The following SANBR variants were observed in gnomAD, a reference collection of about 807,000 sequenced individuals.
SANBR encodes SANT and BTB domain regulator of class switch recombination.
SANBR carries 77 observed loss-of-function variants against 101.8 expected under a neutral mutation model. The observed-to-expected ratio is 0.76, with a 90% CI of 0.63 to 0.91. The LOEUF is 0.91. Among genes scored for constraint, SANBR ranks in the 40% least tolerant of loss-of-function variants. SANBR has a pLI of 0.00. For synonymous variants in SANBR, 279 were observed against 274.7 expected, an observed-to-expected ratio of 1.02 and a Z score of -0.15; for missense variants, 875 against 853.0, an observed-to-expected ratio of 1.03 and a Z score of -0.32.
At chr2:61,081,310 T>C in intron 6 of SANBR, 142 bp from the exon 7 acceptor site, 6 of 731,108 alleles carry the variant, frequency 8.2e-6, no homozygotes, top group Non-Finnish European at 1.2e-5. Context: ...CTTTATTTTA[T>C]GTATCTAACC....
At chr2:61,132,161 A>G (rs1358510157) in intron 20 of SANBR, among the ~76,000 whole-genome samples, 2 of 152,338 alleles carry the variant, frequency 1.3e-5, no homozygotes, top group African/African-American at 2.4e-5. Flanking sequence ...AAGCAAACAA[A>G]TAAATAAATT....
chr2:61,106,614 A>G lies in SANBR; in HGVS notation c.1563A>G (p.Leu521=), dbSNP rs1341192745. ...CDEKGIECDV[L]LEPNTPWGPK... The stretch of plus-strand genomic sequence containing the variant: ...AAAAGGGTATAGAATGTGATGTTTT[A>G]CTGGAGCCAAATACACCATGGGGTC... The change falls in exon 14 of 22, where the codon TTA becomes TTG. Residue 521 remains leucine (L), a synonymous_variant. Transcript: ENST00000402291. The G allele has an allele frequency of 1.9e-6, 3 of 1,601,572 alleles. No homozygotes were observed. The highest frequency in any genetic ancestry group is 4.5e-5 in the East Asian group (2 of 44,238).
At chr2:61,116,242 G>C (rs891092719) in intron 17 of SANBR, among the ~76,000 whole-genome samples, 172 bp downstream of exon 17, 1 of 152,156 alleles carries the variant, frequency 6.6e-6, no homozygotes, top group Admixed American at 6.5e-5. Context: ...AATGAGAAAA[G>C]GAAGGTGCAG....
chr2:61,097,970 A>T, intron 12 of SANBR, 118 bp downstream of exon 12: 1 of 698,618 alleles, frequency 1.4e-6, no homozygotes, highest in Non-Finnish European at 2.2e-6. Flanking sequence ...CCTCTTTATA[A>T]CACTCCCCCA....
chr2:61,073,993 T>C (rs989626814), intron 5 of SANBR, among the ~76,000 whole-genome samples: 1 of 151,966 alleles, frequency 6.6e-6, no homozygotes, highest in African/African-American at 2.4e-5. Flanking sequence ...TAGTTTTGTA[T>C]TGTTTTGCCT....
intron 8 of SANBR, among the ~76,000 whole-genome samples, chr2:61,087,896 AAGAT>A (rs1271745360): frequency 2.0e-5 from 3 of 151,892 alleles, no homozygotes; most frequent in Non-Finnish European, 4.4e-5. Flanking sequence ...AAATGACTGA[AAGAT>A]AGCTATTTAT....
intron 16 of SANBR, among the ~76,000 whole-genome samples, chr2:61,109,583 G>C (rs1177261): frequency 0.61 from 91,799 of 151,526 alleles, 28,633 homozygotes; most frequent in African/African-American, 0.76. Context: ...GAGACGTGTA[G>C]CTGAGATGAT....
At chr2:61,076,867 A>T in intron 5 of SANBR, 53 bp from the exon 6 acceptor site, 1 of 1,288,422 alleles carries the variant, frequency 7.8e-7, no homozygotes, top group Non-Finnish European at 1.1e-6. Context: ...AGTATTCTTG[A>T]CTCCTTTTCT....
intron 10 of SANBR, among the ~76,000 whole-genome samples, chr2:61,091,129 G>A (rs1482102692): frequency 6.6e-6 from 1 of 152,016 alleles, no homozygotes; most frequent in Non-Finnish European, 1.5e-5. Context: ...TTTGAGCTAA[G>A]CACAAAACCA....
intron 1 of SANBR, among the ~76,000 whole-genome samples, chr2:61,066,865 T>C (rs536884950): frequency 2.0e-5 from 3 of 152,330 alleles, no homozygotes; most frequent in African/African-American, 7.2e-5. Context: ...GGAGGGGAAG[T>C]ATGTTCTTAA....
chr2:61,089,199 C>T (rs1345320511), intron 10 of SANBR: 1 of 985,058 alleles, frequency 1.0e-6, no homozygotes, highest in African/African-American at 1.7e-5. Context: ...ATTTGTTCTT[C>T]ATACTTTGTC....
rs751972633 is a variant in SANBR, at chr2:61,108,951, T to G, written c.1645-246T>G. Among the ~76,000 whole-genome samples the G allele has an allele frequency of 2.6e-5, 4 of 152,180 alleles. No homozygotes were observed. In the South Asian group the frequency reaches 8.3e-4, roughly 32 times the overall value. On this transcript the variant is annotated intron_variant, in intron 15 of 21. Transcript: ENST00000402291. ...GATAGAGGTACAATTCAACAAATAC[T>G]GAGTACTTATGTGCCTACTACTGTT...
At chr2:61,084,440 C>T (rs1682313655) in intron 8 of SANBR, among the ~76,000 whole-genome samples, 1 of 151,970 alleles carries the variant, frequency 6.6e-6, no homozygotes, top group Admixed American at 6.6e-5. Flanking sequence ...AGATATTACT[C>T]AAGAGGCTGA....
chr2:61,073,354 C>CT (rs1681583248), intron 4 of SANBR, 104 bp from the exon 5 acceptor site: 1 of 481,868 alleles, frequency 2.1e-6, no homozygotes, highest in African/African-American at 2.0e-5. Context: ...CCTTGGAAAC[C>CT]ATGCATTTAC....
intron 13 of SANBR, among the ~76,000 whole-genome samples, chr2:61,104,386 G>C (rs1683445643): frequency 6.6e-6 from 1 of 151,970 alleles, no homozygotes; most frequent in Admixed American, 6.6e-5. Context: ...GGAGGCTGAG[G>C]CAGGAGAATG....
Position 61,097,847 on chromosome 2 carries a change from A to G in SANBR, c.1360A>G (p.Thr454Ala). ...TCTTCGGTTTGATCCTACTCAGCTT[A>G]CAAAGGTGAATTTTGAATATTGCCC... is the stretch of plus-strand genomic sequence containing the variant. Reference protein sequence around the residue: ...KVLRFDPTQLTKGCKVRDHMV... With the variant: ...KVLRFDPTQLAKGCKVRDHMV... The change falls in exon 12 of 22, where the codon ACA (threonine) becomes GCA (alanine). Residue 454 changes from threonine (T) to alanine (A), a missense_variant. Thr to Ala is a moderately conservative substitution (Grantham distance 58, BLOSUM62 0). Coordinates refer to ENST00000402291, the MANE Select transcript of SANBR (RefSeq NM_001129993.3). 1 of 1,610,172 alleles carries G rather than the reference A, an allele frequency of 6.2e-7. No individual in the cohort carries two copies. Among genetic ancestry groups the G allele is most frequent in the Non-Finnish European group, 8.5e-7 (1 of 1,177,930 alleles).
rs748308854 is a variant in SANBR, at chr2:61,066,655, G to T, written c.-147+628G>T. Among the ~76,000 whole-genome samples the T allele has an allele frequency of 2.3e-4, 35 of 152,330 alleles. No individual in the cohort carries two copies. In the Middle Eastern group the frequency reaches 0.027, roughly 118 times the overall value. On this transcript the variant is annotated intron_variant, in intron 1 of 21. Transcript: ENST00000402291. Reference sequence around the variant, plus strand: ...CCTGCCTGCCTGCCTGCCCCACGGGGCCCCCTCTCTTCCCATCTTTCCACT... The same window carrying T: ...CCTGCCTGCCTGCCTGCCCCACGGGTCCCCCTCTCTTCCCATCTTTCCACT...
chr2:61,131,810 A>C (rs1321545927), intron 20 of SANBR, among the ~76,000 whole-genome samples: 3 of 152,254 alleles, frequency 2.0e-5, no homozygotes, highest in Non-Finnish European at 4.4e-5. Flanking sequence ...TACAATAGTC[A>C]AGACAGTGCA....
chr2:61,096,449 T>C (rs1278209036), intron 11 of SANBR, among the ~76,000 whole-genome samples: 1 of 152,138 alleles, frequency 6.6e-6, no homozygotes, highest in Non-Finnish European at 1.5e-5. Flanking sequence ...ACCAACCTTT[T>C]CTCAGAACTG....
Sources: gnomAD v4.1 joint callset for allele counts (sites outside exome capture counted in the v4.1 genomes callset) on GRCh38, gnomAD v4.1.1 for gene constraint, MANE v1.5 for transcripts, NCBI Gene and HGNC (gene_info 2026-07-23, HGNC 2026-07-21) for gene names.